The following PCSK2 variants were observed in gnomAD, a reference collection of about 807,000 sequenced individuals.
The protein encoded by PCSK2 is neuroendocrine convertase 2.
Under a neutral mutation model 69.7 loss-of-function variants are expected in PCSK2, and 14 were observed. The ratio of observed to expected loss-of-function variants is 0.20; its 90% CI spans 0.13 to 0.31. The LOEUF is 0.31. Among genes scored for constraint, PCSK2 ranks in the 10% least tolerant of loss-of-function variants. The pLI is 1.00. For synonymous variants in PCSK2, 307 were observed against 320.7 expected (o/e 0.96, Z 0.46); for missense variants, 544 against 842.5 (o/e 0.65, Z 4.39).
chr20:17,261,121 C>T (rs984078536), intron 2 of PCSK2, among the ~76,000 whole-genome samples: 1 of 152,048 alleles, frequency 6.6e-6, no homozygotes, highest in Non-Finnish European at 1.5e-5. Flanking sequence ...TTCCACCATC[C>T]CCCATACCTA....
chr20:17,284,337 T>C (rs1988437899), intron 2 of PCSK2, among the ~76,000 whole-genome samples: 1 of 152,188 alleles, frequency 6.6e-6, no homozygotes, highest in South Asian at 2.1e-4. Flanking sequence ...TCTGGAACTG[T>C]GCCTTATGCT....
intron 2 of PCSK2, among the ~76,000 whole-genome samples, chr20:17,338,299 C>A (rs1337389923): frequency 6.6e-6 from 1 of 152,004 alleles, no homozygotes; most frequent in African/African-American, 2.4e-5. Context: ...CAGGTTCAAG[C>A]AGTTCTCCTG....
At chr20:17,226,783 GC>G (rs1985919109), upstream of PCSK2, among the ~76,000 whole-genome samples, 1 of 149,636 alleles carries the variant, frequency 6.7e-6, no homozygotes, top group African/African-American at 2.4e-5. Context: ...GCTGAAAGGG[GC>G]GGGGGCGCGG....
rs1305017114 is a variant in PCSK2 at position 17,473,118 on chromosome 20, G to A, written c.1430+7565G>A. Among the ~76,000 whole-genome samples the A allele has an allele frequency of 8.9e-5, 9 of 100,826 alleles. No homozygotes were observed. The East Asian group carries it at 1.4e-3, about 15-fold the overall frequency. The allele number at this position is 100,826 out of a possible 152,430, so 66.1% of individuals were successfully genotyped here. ...TTTTTTTTTTTTTTTTTTTGAGATC[G>A]AGTCTCACTGTGTCACCCAGGCTGG... On this transcript the variant is annotated intron_variant, in intron 11 of 11. Transcript: ENST00000262545.
intron 5 of PCSK2, among the ~76,000 whole-genome samples, chr20:17,372,972 T>A (rs2123237167): frequency 6.6e-6 from 1 of 152,284 alleles, no homozygotes; most frequent in East Asian, 1.9e-4. Context: ...CAGTAGACAG[T>A]GATAGGCTCG....
chr20:17,363,601 G>A (rs377198016), intron 4 of PCSK2, among the ~76,000 whole-genome samples: 28 of 152,290 alleles, frequency 1.8e-4, no homozygotes, highest in African/African-American at 6.7e-4. Flanking sequence ...GTAATTCAGG[G>A]CAGATGGCTG....
intron 11 of PCSK2, among the ~76,000 whole-genome samples, chr20:17,475,272 C>T (rs558563747): frequency 1.5e-4 from 22 of 151,606 alleles, no homozygotes; most frequent in African/African-American, 4.6e-4. Flanking sequence ...TCTTCAGAGA[C>T]ACAAGCAGAA....
chr20:17,403,441 C>T (rs1326225477), intron 5 of PCSK2, among the ~76,000 whole-genome samples: 1 of 152,162 alleles, frequency 6.6e-6, no homozygotes, highest in African/African-American at 2.4e-5. Context: ...CCATATTAGA[C>T]GCAAGTAGGC....
chr20:17,327,944 G>A (rs957070377), intron 2 of PCSK2, among the ~76,000 whole-genome samples: 1 of 152,022 alleles, frequency 6.6e-6, no homozygotes, highest in Non-Finnish European at 1.5e-5. Flanking sequence ...TTTTATACAC[G>A]CACGCGATGC....
rs2033411114 is a variant in PCSK2, at chr20:17,481,962, G to T, written c.1809G>T (p.Val603=). 2 of 1,613,112 alleles carry T rather than the reference G, an allele frequency of 1.2e-6. No homozygotes were observed. Among genetic ancestry groups the T allele is most frequent in the African/African-American group, 2.7e-5 (2 of 74,904 alleles). The change falls in exon 12 of 12, where the codon GTG becomes GTT. Residue 603 remains valine, a synonymous_variant. Coordinates refer to ENST00000262545, the MANE Select transcript of PCSK2 (RefSeq NM_002594.5). ...AGAGTGCCCCGTACATCGACCAGGT[G>T]GTGCGGGATTACCAGTCCAAGTTGG... is the stretch of plus-strand genomic sequence containing the variant. ...GTQSAPYIDQ[V]VRDYQSKLAM... is the part of the protein sequence containing the mutation.
chr20:17,362,959 G>A (rs1180889127), intron 4 of PCSK2, among the ~76,000 whole-genome samples: 2 of 152,316 alleles, frequency 1.3e-5, no homozygotes, highest in South Asian at 2.1e-4. Flanking sequence ...AGCTAGAACC[G>A]GGAAGGCTGG....
intron 2 of PCSK2, among the ~76,000 whole-genome samples, chr20:17,315,224 G>A (rs1264439266): frequency 5.3e-5 from 8 of 152,064 alleles, no homozygotes; most frequent in African/African-American, 1.9e-4. Context: ...TCAGTGTGGT[G>A]TGGTGGTGGT....
In PCSK2 at chr20:17,260,318, A is replaced by AAGC; in HGVS notation, c.263_265dup (p.Gln88dup). 4 of 1,613,294 alleles carry AAGC rather than the reference A, an allele frequency of 2.5e-6. No homozygotes were observed. In the South Asian group the frequency reaches 3.3e-5, roughly 13 times the overall value. ...CAAGAGAAGACGCAGCCTACACCAC[A>AAGC]AGCAGCAGCTGGAGAGAGACCCCAG... On this transcript the variant is annotated inframe_insertion, in exon 2 of 12. Coordinates refer to ENST00000262545, the MANE Select transcript of PCSK2 (RefSeq NM_002594.5).
At chr20:17,384,645 T>C (rs1429713345) in intron 5 of PCSK2, among the ~76,000 whole-genome samples, 2 of 151,758 alleles carry the variant, frequency 1.3e-5, no homozygotes, top group African/African-American at 4.8e-5. Flanking sequence ...TTAAAATATT[T>C]TTCATAGGCT....
At chr20:17,471,726 G>A (rs1294988004) in intron 11 of PCSK2, among the ~76,000 whole-genome samples, 2 of 152,210 alleles carry the variant, frequency 1.3e-5, no homozygotes, top group African/African-American at 4.8e-5. Context: ...TTAGGTCTAG[G>A]GCAAATACAC....
intron 2 of PCSK2, among the ~76,000 whole-genome samples, chr20:17,300,349 C>A (rs1448771606): frequency 6.6e-6 from 1 of 152,248 alleles, no homozygotes; most frequent in Non-Finnish European, 1.5e-5. Context: ...AATTAAAATG[C>A]ATCTCCCCAA....
chr20:17,229,417 C>T (rs1986062958), intron 1 of PCSK2, among the ~76,000 whole-genome samples: 1 of 148,938 alleles, frequency 6.7e-6, no homozygotes, highest in Non-Finnish European at 1.5e-5. Context: ...TCCCCCTCCC[C>T]CACACCTTTT....
intron 8 of PCSK2, among the ~76,000 whole-genome samples, chr20:17,452,842 A>G (rs1278633607): frequency 6.6e-6 from 1 of 152,278 alleles, no homozygotes; most frequent in African/African-American, 2.4e-5. Context: ...GAAAATACTC[A>G]GAAGACAAGG....
At chr20:17,259,275 A>G (rs996160954) in intron 1 of PCSK2, among the ~76,000 whole-genome samples, 4 of 152,252 alleles carry the variant, frequency 2.6e-5, no homozygotes, top group Non-Finnish European at 5.9e-5. Context: ...AAAAAAGTAC[A>G]TATTTACATT....
Sources: gnomAD v4.1 joint callset for allele counts (sites outside exome capture counted in the v4.1 genomes callset) on GRCh38, gnomAD v4.1.1 for gene constraint, MANE v1.5 for transcripts, NCBI Gene and HGNC (gene_info 2026-07-23, HGNC 2026-07-21) for gene names.